Variants in TDRD7 observed in about 807,000 individuals in gnomAD.
TDRD7 encodes the protein tudor domain containing 7.
A neutral mutation model predicts 109.8 loss-of-function variants in TDRD7; 47 were observed. The observed-to-expected ratio is 0.43, with a 90% CI of 0.34 to 0.55. TDRD7 has a LOEUF of 0.55. TDRD7 is among the 20% of genes least tolerant of loss of function. The probability of loss-of-function intolerance (pLI) is 0.03; values close to 1 mark genes in which losing one functional copy is unlikely to be tolerated. For missense variants in TDRD7, 1,164 were observed against 1,319.2 expected (o/e 0.88, Z 1.82); for synonymous variants, 424 against 457.3 (o/e 0.93, Z 0.93).
chr9:97,431,175 C>A (rs943614079), intron 3 of TDRD7, 101 bp downstream of exon 3: 7 of 1,520,092 alleles, frequency 4.6e-6, no homozygotes, highest in Non-Finnish European at 6.4e-6. Context: ...ATACTTGTAT[C>A]TGTTAACATA....
intron 7 of TDRD7, among the ~76,000 whole-genome samples, chr9:97,461,592 T>G (rs1828725593): frequency 6.6e-6 from 1 of 152,344 alleles, no homozygotes. Context: ...CAAAAAACAG[T>G]ACAGCTCCAG....
Position 97,478,428 on chromosome 9 carries a change from T to A in TDRD7, c.2167-11T>A. On this transcript the variant is annotated splice_polypyrimidine_tract_variant and intron_variant, in intron 12 of 16. Coordinates refer to ENST00000355295, the MANE Select transcript of TDRD7 (RefSeq NM_014290.3). Reference sequence around the variant, plus strand: ...ATGCTAATAAATGAGCCAACACTTATCTCATTTCAGATCACAAATGTTCAC... The same window carrying A: ...ATGCTAATAAATGAGCCAACACTTAACTCATTTCAGATCACAAATGTTCAC... 6.2e-7 allele frequency: 1 copy of A among 1,613,992 alleles called. No homozygotes were observed. Among genetic ancestry groups the A allele is most frequent in the South Asian group, 1.1e-5 (1 of 91,082 alleles).
intron 8 of TDRD7, among the ~76,000 whole-genome samples, chr9:97,466,681 G>T (rs1299350545): frequency 6.6e-6 from 1 of 152,202 alleles, no homozygotes; most frequent in Non-Finnish European, 1.5e-5. Context: ...CTGAGCAAAA[G>T]AAGCCAGGCA....
chr9:97,493,864 G>A (rs940691654), intron 16 of TDRD7, among the ~76,000 whole-genome samples: 11 of 152,108 alleles, frequency 7.2e-5, no homozygotes, highest in Admixed American at 2.6e-4. Flanking sequence ...GCTCTGTTCC[G>A]CCCGGCTTAC....
At chr9:97,467,613 A>G (rs1191272760) in intron 8 of TDRD7, among the ~76,000 whole-genome samples, 1 of 152,252 alleles carries the variant, frequency 6.6e-6, no homozygotes, top group African/African-American at 2.4e-5. Flanking sequence ...CATACAGTAA[A>G]CACACAAAAC....
chr9:97,451,056 T>G (rs187442400), intron 6 of TDRD7, among the ~76,000 whole-genome samples: 158 of 152,104 alleles, frequency 1.0e-3, no homozygotes, highest in Non-Finnish European at 2.1e-3. Context: ...GCCTAAAGAT[T>G]AGGTTGATCG....
At chr9:97,494,580 C>G (rs1302792798) in intron 16 of TDRD7, among the ~76,000 whole-genome samples, 1 of 151,720 alleles carries the variant, frequency 6.6e-6, no homozygotes, top group East Asian at 1.9e-4. Context: ...AGCAAGTCTT[C>G]CAAAATTATG....
intron 11 of TDRD7, 100 bp from the exon 12 acceptor site, chr9:97,475,283 G>T (rs112193449): frequency 2.3e-5 from 21 of 898,090 alleles, no homozygotes; most frequent in African/African-American, 1.8e-4. Context: ...ACTACATGTC[G>T]GTTAAGTCTG....
At chr9:97,492,836 T>C (rs937101647) in intron 16 of TDRD7, among the ~76,000 whole-genome samples, 2 of 152,190 alleles carry the variant, frequency 1.3e-5, no homozygotes, top group Non-Finnish European at 2.9e-5. Flanking sequence ...TGAAAACATA[T>C]GAACTGGAAC....
chr9:97,420,161 A>G (rs1034554221), intron 1 of TDRD7, among the ~76,000 whole-genome samples: 4 of 152,168 alleles, frequency 2.6e-5, no homozygotes, highest in Non-Finnish European at 4.4e-5. Context: ...AAATTGTAGT[A>G]TACCCATACA....
chr9:97,481,919 T>C lies in TDRD7; in HGVS notation c.2413-930T>C, dbSNP rs530401678. Among the ~76,000 whole-genome samples, 32 of 152,354 alleles carry C rather than the reference T, an allele frequency of 2.1e-4. 1 individual carries two copies. Among genetic ancestry groups the C allele is most frequent in the Admixed American group, 3.9e-4 (6 of 15,302 alleles). Reference sequence around the variant, plus strand: ...AAAAGAAATTTTAAGTAAATCACTGTAGATGGGTTGCCTTGCTGTTATCTC... The same window carrying C: ...AAAAGAAATTTTAAGTAAATCACTGCAGATGGGTTGCCTTGCTGTTATCTC... On this transcript the variant is annotated intron_variant, in intron 14 of 16. Transcript: ENST00000355295.
chr9:97,493,362 C>T (rs541479153), intron 16 of TDRD7, among the ~76,000 whole-genome samples: 25 of 152,146 alleles, frequency 1.6e-4, no homozygotes, highest in South Asian at 4.2e-4. Context: ...CCGCAAGTTC[C>T]GTGATGCCCC....
At chr9:97,456,833 TA>T (rs1295620007) in intron 6 of TDRD7, among the ~76,000 whole-genome samples, 3 of 152,136 alleles carry the variant, frequency 2.0e-5, no homozygotes, top group African/African-American at 7.2e-5. Flanking sequence ...GGTGTTAAAC[TA>T]AAGTGCTTCT....
At chr9:97,442,279 C>T (rs1828320139) in intron 6 of TDRD7, among the ~76,000 whole-genome samples, 1 of 151,984 alleles carries the variant, frequency 6.6e-6, no homozygotes. Flanking sequence ...TTTTTAAAGA[C>T]TTGTAGCTGA....
intron 7 of TDRD7, among the ~76,000 whole-genome samples, chr9:97,462,376 T>A (rs1828740491): frequency 6.6e-6 from 1 of 152,224 alleles, no homozygotes; most frequent in Admixed American, 6.5e-5. Context: ...ATTTTATGTG[T>A]TCAGCAGAGT....
In TDRD7 at chr9:97,482,971, G is replaced by A. The variant is rs771686588; in HGVS notation, c.2535G>A (p.Gln845=). 6.2e-7 allele frequency: 1 copy of A among 1,614,230 alleles called. No individual in the cohort carries two copies. Among genetic ancestry groups the A allele is most frequent in the South Asian group, 1.1e-5 (1 of 91,090 alleles). The change falls in exon 15 of 17, where the codon CAG becomes CAA. Residue 845 remains glutamine, a synonymous_variant. Transcript: ENST00000355295. ...QITNADLWKH[Q]KDVFLSAISS... is the part of the protein sequence containing the mutation. ...CAAATGCAGACTTGTGGAAGCATCAGAAGGATGTGTTTTTGAGTGCCATAT... is the reference window on the plus strand; with the variant it reads ...CAAATGCAGACTTGTGGAAGCATCAAAAGGATGTGTTTTTGAGTGCCATAT...
At chr9:97,490,909 C>CTTTTTTT (rs1174656625) in intron 16 of TDRD7, among the ~76,000 whole-genome samples, 39 of 77,658 alleles carry the variant, frequency 5.0e-4, no homozygotes, top group East Asian at 8.5e-4. Context: ...CTTTTCTTTT[C>CTTTTTTT]TTTTTTTTTT....
Position 97,487,121 on chromosome 9 carries a change from G to T in TDRD7, c.2916-51G>T, listed in dbSNP as rs1380312307. On this transcript the variant is annotated intron_variant, in intron 15 of 16. Coordinates refer to ENST00000355295, the MANE Select transcript of TDRD7 (RefSeq NM_014290.3). ...TAAAATATTTCTTGCCCTTAAAGCA[G>T]GTACTGAGTTTATGTGTTTTCTCTT... is the stretch of plus-strand genomic sequence containing the variant. The T allele has an allele frequency of 3.2e-6, 5 of 1,578,152 alleles. No homozygotes were observed. In the South Asian group the frequency reaches 4.4e-5, roughly 14 times the overall value.
chr9:97,483,087 T>G lies in TDRD7; in HGVS notation c.2651T>G (p.Val884Gly), dbSNP rs1237489632. ...AATTTCAGAAAGAACCTCACAGATGTCATCAAAAAGTCCATGGTGGACCAT... is the reference window on the plus strand; with the variant it reads ...AATTTCAGAAAGAACCTCACAGATGGCATCAAAAAGTCCATGGTGGACCAT... Reference protein sequence around the residue: ...GENFRKNLTDVIKKSMVDHTS... With the variant: ...GENFRKNLTDGIKKSMVDHTS... The change falls in exon 15 of 17, where the codon GTC (valine) becomes GGC (glycine). Residue 884 changes from valine (V) to glycine (G), a missense_variant. This residue lies in a region of TDRD7 where 233 missense variants were observed against 218.0 expected (regional missense o/e 1.07). Transcript: ENST00000355295. 6.2e-7 allele frequency: 1 copy of G among 1,614,088 alleles called. No individual in the cohort carries two copies.
Sources: gnomAD v4.1 joint callset for allele counts (sites outside exome capture counted in the v4.1 genomes callset) on GRCh38, gnomAD v4.1.1 for gene constraint, gnomAD v4.1.1 regional missense constraint, MANE v1.5 for transcripts, NCBI Gene and HGNC (gene_info 2026-07-23, HGNC 2026-07-21) for gene names.